The following EMILIN2 variants were observed in gnomAD, a reference collection of about 807,000 sequenced individuals.
EMILIN2 encodes the protein elastin microfibril interfacer 2.
A neutral mutation model predicts 87.1 loss-of-function variants in EMILIN2; 71 were observed. The ratio of observed to expected loss-of-function variants is 0.82; its 90% CI spans 0.67 to 0.99. The LOEUF (loss-of-function observed/expected upper bound fraction) is 0.99. Ranked by LOEUF, EMILIN2 falls within the 50% of genes least tolerant of loss-of-function variation. EMILIN2 has a pLI of 0.00. For missense variants in EMILIN2, 1,407 were observed against 1,371.8 expected (o/e 1.03, Z -0.40); for synonymous variants, 581 against 563.4 (o/e 1.03, Z -0.44).
chr18:2,908,403 C>T (rs921299278), intron 5 of EMILIN2, among the ~76,000 whole-genome samples: 2 of 152,224 alleles, frequency 1.3e-5, no homozygotes, highest in African/African-American at 4.8e-5. Flanking sequence ...ACCCACCCAC[C>T]CATGTATCCA....
chr18:2,864,036 T>C (rs1011618286), intron 2 of EMILIN2, among the ~76,000 whole-genome samples: 1 of 152,222 alleles, frequency 6.6e-6, no homozygotes, highest in Non-Finnish European at 1.5e-5. Context: ...GAGACTAGGA[T>C]TGCATCCCCT....
At chr18:2,897,892 C>G (rs2144051544) in intron 4 of EMILIN2, among the ~76,000 whole-genome samples, 1 of 151,810 alleles carries the variant, frequency 6.6e-6, no homozygotes, top group Admixed American at 6.6e-5. Context: ...CTAGAGATCT[C>G]CCTTTTCAGC....
At chr18:2,862,497 GT>G (rs1024340861) in intron 2 of EMILIN2, among the ~76,000 whole-genome samples, 20 of 152,180 alleles carry the variant, frequency 1.3e-4, no homozygotes, top group Non-Finnish European at 2.8e-4. Context: ...TAATCATGTG[GT>G]TTTTGTCATT....
chr18:2,892,679 A>G (rs1378398679), intron 4 of EMILIN2, among the ~76,000 whole-genome samples, 193 bp downstream of exon 4: 1 of 151,920 alleles, frequency 6.6e-6, no homozygotes, highest in African/African-American at 2.4e-5. Context: ...TGGTTCATAG[A>G]TTGGTGCCTG....
intron 2 of EMILIN2, among the ~76,000 whole-genome samples, chr18:2,877,368 A>G (rs902297170): frequency 7.9e-5 from 12 of 151,950 alleles, no homozygotes; most frequent in Admixed American, 3.9e-4. Flanking sequence ...AAATATAAAA[A>G]GCCCTCTTTT....
intron 2 of EMILIN2, among the ~76,000 whole-genome samples, chr18:2,868,391 C>T (rs1200658500): frequency 1.3e-5 from 2 of 152,182 alleles, no homozygotes; most frequent in Non-Finnish European, 2.9e-5. Flanking sequence ...ACTTCCCCGA[C>T]AGGGTGGCGG....
At chr18:2,876,798 T>C (rs35733954) in intron 2 of EMILIN2, among the ~76,000 whole-genome samples, 91,131 of 151,662 alleles carry the variant, frequency 0.6, 27,824 homozygotes, top group East Asian at 0.92. Flanking sequence ...CAAAGCTACA[T>C]TGTAATCTGA....
chr18:2,885,826 A>T (rs1221037239), intron 3 of EMILIN2, among the ~76,000 whole-genome samples: 1 of 152,254 alleles, frequency 6.6e-6, no homozygotes, highest in East Asian at 1.9e-4. Context: ...CCATCACTTC[A>T]TCTTTTTAAG....
intron 3 of EMILIN2, among the ~76,000 whole-genome samples, chr18:2,887,612 T>C (rs2076809558): frequency 6.6e-6 from 1 of 152,132 alleles, no homozygotes; most frequent in African/African-American, 2.4e-5. Flanking sequence ...CCTTCCGTCA[T>C]GAGTAGAAGC....
chr18:2,868,902 CAT>C (rs2076705085), intron 2 of EMILIN2, among the ~76,000 whole-genome samples: 2 of 151,586 alleles, frequency 1.3e-5, no homozygotes, highest in African/African-American at 2.4e-5. Flanking sequence ...AAAATGCTAA[CAT>C]ACATCTGTGA....
At chr18:2,865,472 C>A (rs2076681812) in intron 2 of EMILIN2, among the ~76,000 whole-genome samples, 1 of 152,176 alleles carries the variant, frequency 6.6e-6, no homozygotes, top group Admixed American at 6.5e-5. Context: ...TGCTGGAGGT[C>A]CACTCCAGAC....
At position 2,890,560 on chromosome 18, in the gene EMILIN2, G is replaced by C. The variant is rs767533768; in HGVS notation, c.434-1G>C. ...CATGTCCAACTTTATCTTTGTAACAGATAATGAACCCAGCCAATTCTCAGA... is the reference window on the plus strand; with the variant it reads ...CATGTCCAACTTTATCTTTGTAACACATAATGAACCCAGCCAATTCTCAGA... On this transcript the variant is annotated splice_acceptor_variant, in intron 3 of 7. Transcript: ENST00000254528. LOFTEE classifies it high-confidence loss of function. This position sits in a 1 kb window ranked among gnomAD's most constrained non-coding sequence, Gnocchi z 4.7. 75 of 1,557,166 alleles carry C rather than the reference G, an allele frequency of 4.8e-5. No homozygotes were observed. The highest frequency in any genetic ancestry group is 1.3e-5 in the Non-Finnish European group (15 of 1,149,452).
intron 4 of EMILIN2, among the ~76,000 whole-genome samples, chr18:2,902,591 A>G (rs541856303): frequency 1.2e-4 from 18 of 152,314 alleles, no homozygotes; most frequent in African/African-American, 4.3e-4. Flanking sequence ...AAGTCACATG[A>G]GAGCTGGGTA....
intron 2 of EMILIN2, among the ~76,000 whole-genome samples, chr18:2,851,901 T>C (rs2076603595): frequency 6.6e-6 from 1 of 152,220 alleles, no homozygotes; most frequent in African/African-American, 2.4e-5. Flanking sequence ...TGTCTCCATT[T>C]TACCAAGGAG....
chr18:2,878,261 C>T (rs924208925), intron 2 of EMILIN2, among the ~76,000 whole-genome samples: 29 of 152,008 alleles, frequency 1.9e-4, no homozygotes, highest in Admixed American at 1.1e-3. Flanking sequence ...AGGCGGAGGC[C>T]GGCAGACCAC....
At chr18:2,863,391 A>G (rs924816310) in intron 2 of EMILIN2, among the ~76,000 whole-genome samples, 3 of 151,964 alleles carry the variant, frequency 2.0e-5, no homozygotes, top group African/African-American at 2.4e-5. Flanking sequence ...ACTGCTTTAA[A>G]TGTGTCCCAG....
At chr18:2,863,727 C>T (rs1286242769) in intron 2 of EMILIN2, among the ~76,000 whole-genome samples, 1 of 152,146 alleles carries the variant, frequency 6.6e-6, no homozygotes, top group African/African-American at 2.4e-5. Context: ...CTGTAGATGT[C>T]TATTAGGTCC....
chr18:2,850,500 G>A (rs1372267241), intron 2 of EMILIN2, among the ~76,000 whole-genome samples: 3 of 151,720 alleles, frequency 2.0e-5, no homozygotes, highest in Non-Finnish European at 2.9e-5. Context: ...CTAACTGTTC[G>A]GCTCAAGCGA....
At chr18:2,887,562 G>T (rs142787591) in intron 3 of EMILIN2, among the ~76,000 whole-genome samples, 25 of 151,768 alleles carry the variant, frequency 1.6e-4, no homozygotes, top group Admixed American at 3.9e-4. Context: ...GCTCCCTCTC[G>T]CTCCCTCTCT....
Sources: gnomAD v4.1 joint callset for allele counts (sites outside exome capture counted in the v4.1 genomes callset) on GRCh38, gnomAD v4.1.1 for gene constraint, Gnocchi (gnomAD v3.1) non-coding constraint, MANE v1.5 for transcripts, NCBI Gene and HGNC (gene_info 2026-07-23, HGNC 2026-07-21) for gene names.